Variants in ATF7IP observed in about 807,000 individuals in gnomAD.
ATF7IP encodes the protein activating transcription factor 7 interacting protein.
A neutral mutation model predicts 106.4 loss-of-function variants in ATF7IP; 23 were observed. The ratio of observed to expected loss-of-function variants is 0.22; its 90% CI spans 0.16 to 0.31. The LOEUF is 0.31. Among genes scored for constraint, ATF7IP ranks in the 10% least tolerant of loss-of-function variants. The pLI is 1.00. For missense variants in ATF7IP, 1,334 were observed against 1,524.3 expected (o/e 0.88, Z 2.08); for synonymous variants, 542 against 539.0 (o/e 1.01, Z -0.08).
rs1443663396 is a variant in ATF7IP, at chr12:14,501,086, T to C, written c.*3013T>C. ...TGAGGCAGGTTTTAATATTGATAGATGCTTTTTGTTTGGTTTGTTTCTTCT... is the reference window on the plus strand; with the variant it reads ...TGAGGCAGGTTTTAATATTGATAGACGCTTTTTGTTTGGTTTGTTTCTTCT... On this transcript the variant is annotated 3_prime_UTR_variant, in exon 15 of 15. Transcript: ENST00000261168. 1.3e-5 allele frequency: 2 copies of C among 152,204 alleles called. No homozygotes were observed. The highest frequency in any genetic ancestry group is 2.1e-4 in the South Asian group (1 of 4,836). 9.4% of individuals were successfully genotyped at this position (152,204 alleles called of 1,614,324 possible).
rs111499367 is a variant in ATF7IP at position 14,388,669 on chromosome 12, C to T, written c.-8+22842C>T. Among the ~76,000 whole-genome samples the T allele has an allele frequency of 5.1e-3, 777 of 152,194 alleles. 3 individuals are homozygous for T. The highest frequency in any genetic ancestry group is 0.015 in the East Asian group (76 of 5,166). On this transcript the variant is annotated intron_variant, in intron 1 of 14. Transcript: ENST00000261168. ...GCCTTCTTTCTTTCTTTACTGGAGA[C>T]AGAGTCTCACTCTGTTTCTCAGGCT... is the stretch of plus-strand genomic sequence containing the variant.
intron 10 of ATF7IP, among the ~76,000 whole-genome samples, chr12:14,475,478 G>A (rs142738457): frequency 6.6e-6 from 1 of 152,024 alleles, no homozygotes; most frequent in Non-Finnish European, 1.5e-5. Context: ...TTTTTTTAGG[G>A]CAAAAATTTA....
rs895548705 is a variant in ATF7IP, at chr12:14,419,025, C to A, written c.-7-4884C>A. The A allele has an allele frequency of 4.6e-5, 7 of 152,158 alleles. No individual in the cohort carries two copies. In the East Asian group the frequency reaches 1.2e-3, roughly 25 times the overall value. 9.4% of individuals were successfully genotyped at this position (152,158 alleles called of 1,614,324 possible). A position where few individuals can be genotyped will look rare whatever the true frequency, so the allele number is the denominator to read the frequency against. On this transcript the variant is annotated intron_variant, in intron 1 of 14. Coordinates refer to ENST00000261168, the MANE Select transcript of ATF7IP (RefSeq NM_018179.5). ...TTTAGTTTATTCCTAAAAACATTAT[C>A]CTGAATATTTAGTTTATTCCTAAAA...
chr12:14,484,072 G>A (rs1944510111), intron 13 of ATF7IP, among the ~76,000 whole-genome samples: 1 of 152,132 alleles, frequency 6.6e-6, no homozygotes, highest in Admixed American at 6.6e-5. Context: ...AAGAGGTCCA[G>A]TATAATCAAC....
intron 1 of ATF7IP, among the ~76,000 whole-genome samples, chr12:14,372,386 G>C (rs575783757): frequency 1.4e-5 from 2 of 147,042 alleles, no homozygotes; most frequent in Non-Finnish European, 3.0e-5. Flanking sequence ...TGGTGTGAAT[G>C]TTTCAATTTT....
chr12:14,487,452 C>T (rs977566565), intron 13 of ATF7IP, among the ~76,000 whole-genome samples: 2 of 152,158 alleles, frequency 1.3e-5, no homozygotes, highest in African/African-American at 4.8e-5. Flanking sequence ...TCTTACCTGG[C>T]AACTGCCTCA....
At chr12:14,441,688 A>G (rs1942713095) in intron 5 of ATF7IP, among the ~76,000 whole-genome samples, 1 of 151,882 alleles carries the variant, frequency 6.6e-6, no homozygotes, top group South Asian at 2.1e-4. Context: ...ATGGGGTTTC[A>G]CCATGTTAGC....
chr12:14,494,292 T>TAG (rs1944926806), intron 13 of ATF7IP, among the ~76,000 whole-genome samples: 3 of 46,380 alleles, frequency 6.5e-5, no homozygotes, highest in Non-Finnish European at 1.0e-4. Flanking sequence ...AGAATATATA[T>TAG]ATATATATAT....
chr12:14,492,551 A>G (rs571547034), intron 13 of ATF7IP, among the ~76,000 whole-genome samples: 2 of 152,154 alleles, frequency 1.3e-5, no homozygotes, highest in South Asian at 2.1e-4. Context: ...TTATTATTCA[A>G]TTTAGTCTTT....
intron 12 of ATF7IP, among the ~76,000 whole-genome samples, chr12:14,479,628 T>C (rs533452225): frequency 6.6e-6 from 1 of 152,284 alleles, no homozygotes; most frequent in African/African-American, 2.4e-5. Context: ...TATGAAATTA[T>C]TGTTGATGCA....
chr12:14,422,297 A>G (rs1941560969), intron 1 of ATF7IP, among the ~76,000 whole-genome samples: 1 of 147,296 alleles, frequency 6.8e-6, no homozygotes, highest in African/African-American at 2.5e-5. Flanking sequence ...AGCACAACTT[A>G]CCAAAAAAAG....
In ATF7IP at chr12:14,500,980, A is replaced by G. The variant is rs993328053; in HGVS notation, c.*2907A>G. On this transcript the variant is annotated 3_prime_UTR_variant, in exon 15 of 15. Coordinates refer to ENST00000261168, the MANE Select transcript of ATF7IP (RefSeq NM_018179.5). ...ATATTTATTATAAGATGGTGTCCTC[A>G]AATTAGCCTACCATGGCACGTAGGG... The G allele has an allele frequency of 6.6e-6, 1 of 152,224 alleles. No homozygotes were observed. Among genetic ancestry groups the G allele is most frequent in the Admixed American group, 6.5e-5 (1 of 15,282 alleles). 9.4% of individuals were successfully genotyped at this position (152,224 alleles called of 1,614,324 possible).
chr12:14,430,689 C>G (rs1008452838), intron 2 of ATF7IP, among the ~76,000 whole-genome samples: 2 of 152,074 alleles, frequency 1.3e-5, no homozygotes, highest in African/African-American at 4.8e-5. Context: ...GTAGGAATTT[C>G]TTGTTTTGTT....
rs368325649 is a variant in ATF7IP at position 14,378,377 on chromosome 12, C to T, written c.-8+12550C>T. Reference sequence around the variant, plus strand: ...CCTCCCAAAGTGCTGGGATTACAGGCGTGAGTCACCATGCCCGGCCCTATA... The same window carrying T: ...CCTCCCAAAGTGCTGGGATTACAGGTGTGAGTCACCATGCCCGGCCCTATA... On this transcript the variant is annotated intron_variant, in intron 1 of 14. Transcript: ENST00000261168. Among the ~76,000 whole-genome samples, 76 of 152,192 alleles carry T rather than the reference C, an allele frequency of 5.0e-4. No individual in the cohort carries two copies. In the South Asian group the frequency reaches 0.011, roughly 22 times the overall value.
In ATF7IP at chr12:14,461,064, A is replaced by G; in HGVS notation, c.2728A>G (p.Lys910Glu). 6.2e-7 allele frequency: 1 copy of G among 1,614,170 alleles called. No individual in the cohort carries two copies. Among genetic ancestry groups the G allele is most frequent in the Non-Finnish European group, 8.5e-7 (1 of 1,180,024 alleles). The change falls in exon 9 of 15, where the codon AAA (lysine) becomes GAA (glutamate). Residue 910 changes from lysine to glutamate, a missense_variant. Physicochemically the swap from Lys to Glu is moderately conservative, Grantham distance 56. Around this residue, in one of 10 missense-constraint regions of ATF7IP, gnomAD observed 370 missense variants for 401.2 expected, o/e 0.92. Coordinates refer to ENST00000261168, the MANE Select transcript of ATF7IP (RefSeq NM_018179.5). ...AACTAATCGAGGTCCTATACAGATG[A>G]AAATTCCAATTTCTGCATTTAGTAC... ...PSTNRGPIQMKIPISAFSTSS... is the reference protein window; with the variant it reads ...PSTNRGPIQMEIPISAFSTSS...
At chr12:14,493,961 A>G (rs915116476) in intron 13 of ATF7IP, among the ~76,000 whole-genome samples, 10 of 151,858 alleles carry the variant, frequency 6.6e-5, no homozygotes, top group Non-Finnish European at 2.9e-5. Flanking sequence ...CAGCTTCATT[A>G]TGTTCCTTGG....
chr12:14,420,016 T>G (rs2136532770), intron 1 of ATF7IP: 1 of 152,330 alleles, frequency 6.6e-6, no homozygotes, highest in East Asian at 1.9e-4. Flanking sequence ...CTAGGCTTAT[T>G]ATTTTATGCG....
At chr12:14,434,883 C>T (rs1188332142) in intron 3 of ATF7IP, among the ~76,000 whole-genome samples, 1 of 152,082 alleles carries the variant, frequency 6.6e-6, no homozygotes, top group Non-Finnish European at 1.5e-5. Flanking sequence ...GCCAGTAATG[C>T]AAGACCAGCC....
chr12:14,465,461 TG>T (rs1470378198), intron 9 of ATF7IP, among the ~76,000 whole-genome samples: 1 of 151,852 alleles, frequency 6.6e-6, no homozygotes, highest in Non-Finnish European at 1.5e-5. Context: ...AAATTAGTTT[TG>T]TTAGTCTTTC....
Sources: gnomAD v4.1 joint callset for allele counts (sites outside exome capture counted in the v4.1 genomes callset) on GRCh38, gnomAD v4.1.1 for gene constraint, gnomAD v4.1.1 regional missense constraint, MANE v1.5 for transcripts, NCBI Gene and HGNC (gene_info 2026-07-23, HGNC 2026-07-21) for gene names.